Variants in DNAAF4 observed in about 807,000 individuals in gnomAD.
DNAAF4 encodes dynein assembly factor 4, axonemal.
A neutral mutation model predicts 51.8 loss-of-function variants in DNAAF4; 43 were observed. The ratio of observed to expected loss-of-function variants is 0.83; its 90% confidence interval spans 0.65 to 1.07. DNAAF4 has a LOEUF of 1.07. Ranked by LOEUF, DNAAF4 falls within the 50% of genes least tolerant of loss-of-function variation. DNAAF4 has a pLI of 0.00. For synonymous variants in DNAAF4, 194 were observed against 165.6 expected (o/e 1.17, Z -1.32); for missense variants, 581 against 493.0 (o/e 1.18, Z -1.69).
At chr15:55,494,389 T>C (rs1308838799) in intron 3 of DNAAF4, among the ~76,000 whole-genome samples, 3 of 152,100 alleles carry the variant, frequency 2.0e-5, no homozygotes, top group Non-Finnish European at 2.9e-5. Flanking sequence ...TCAATGTTCA[T>C]TGTGATATAA....
chr15:55,458,696 G>A (rs940923014), intron 5 of DNAAF4, among the ~76,000 whole-genome samples: 3 of 152,066 alleles, frequency 2.0e-5, no homozygotes, highest in Non-Finnish European at 4.4e-5. Context: ...AAGAACACCC[G>A]GGGAATTCAT....
At chr15:55,424,413 GAAGT>G (rs1312940532) in intron 7 of DNAAF4, among the ~76,000 whole-genome samples, 3 of 152,200 alleles carry the variant, frequency 2.0e-5, no homozygotes, top group South Asian at 2.1e-4. Context: ...AGTGGAAAAT[GAAGT>G]AAGGCACCTA....
intron 1 of DNAAF4, among the ~76,000 whole-genome samples, chr15:55,503,756 G>A (rs1003156664): frequency 2.0e-5 from 3 of 152,098 alleles, no homozygotes; most frequent in Admixed American, 1.3e-4. Flanking sequence ...AATAAACTAG[G>A]TATTGTTGGA....
intron 4 of DNAAF4, among the ~76,000 whole-genome samples, chr15:55,486,870 T>C (rs1048243946): frequency 3.3e-5 from 5 of 152,106 alleles, no homozygotes; most frequent in Admixed American, 1.3e-4. Flanking sequence ...TCTCTCTTCA[T>C]TGTATTATTA....
chr15:55,442,086 G>A (rs1200061135), intron 6 of DNAAF4, among the ~76,000 whole-genome samples: 1 of 152,114 alleles, frequency 6.6e-6, no homozygotes, highest in East Asian at 1.9e-4. Flanking sequence ...CCGCAGTGGA[G>A]CAGGTAACAC....
intron 4 of DNAAF4, among the ~76,000 whole-genome samples, chr15:55,476,111 A>G (rs1190885886): frequency 6.6e-6 from 1 of 152,190 alleles, no homozygotes; most frequent in Non-Finnish European, 1.5e-5. Flanking sequence ...ACCTTCCAAG[A>G]CAAATGAAAA....
chr15:55,429,174 A>C (rs2057461444), downstream of DNAAF4, among the ~76,000 whole-genome samples: 1 of 151,830 alleles, frequency 6.6e-6, no homozygotes, highest in Non-Finnish European at 1.5e-5. Context: ...GTGAGCCGAG[A>C]TTGCACCACT....
chr15:55,425,815 TA>T (rs1387563365), downstream of DNAAF4, among the ~76,000 whole-genome samples: 1 of 152,174 alleles, frequency 6.6e-6, no homozygotes, highest in Non-Finnish European at 1.5e-5. Flanking sequence ...ATGTGTTAAA[TA>T]AAATGTATGG....
intron 6 of DNAAF4, among the ~76,000 whole-genome samples, chr15:55,449,406 T>G (rs1282941958): frequency 2.0e-5 from 3 of 150,960 alleles, no homozygotes; most frequent in Non-Finnish European, 4.4e-5. Context: ...CTCATGCCTA[T>G]AATCCCAGCA....
At chr15:55,418,049 T>C (rs1210648704) in exon 8 of DNAAF4, 1 of 1,318,124 alleles carries the variant, frequency 7.6e-7, no homozygotes, top group Non-Finnish European at 1.1e-6. Flanking sequence ...GCCATCTGGA[T>C]GTATACGTGC....
Position 55,435,200 on chromosome 15 carries a change from A to C in DNAAF4, c.894-142T>G, listed in dbSNP as rs570825564. On this transcript the variant is annotated intron_variant, in intron 7 of 9. Transcript: ENST00000321149. ...GGTAAACGTTGCCTGCACTGAATCCATCTCTTTTCACATATACCAGCCTGT... is the reference window on the plus strand; with the variant it reads ...GGTAAACGTTGCCTGCACTGAATCCCTCTCTTTTCACATATACCAGCCTGT... 56 of 805,804 alleles carry C rather than the reference A, an allele frequency of 6.9e-5. 1 individual carries two copies. In the African/African-American group the frequency reaches 7.9e-4, roughly 11 times the overall value. The allele number at this position is 805,804 out of a possible 1,614,324, so 49.9% of individuals were successfully genotyped here. A position where few individuals can be genotyped will look rare whatever the true frequency, so the allele number is the denominator to read the frequency against.
intron 6 of DNAAF4, among the ~76,000 whole-genome samples, chr15:55,440,392 T>TAA (rs1260040984): frequency 6.6e-6 from 1 of 150,422 alleles, no homozygotes; most frequent in African/African-American, 2.5e-5. Context: ...TATATATATA[T>TAA]TTTTGAGACG....
intron 4 of DNAAF4, among the ~76,000 whole-genome samples, chr15:55,484,345 C>T (rs538921219): frequency 5.3e-5 from 8 of 151,930 alleles, no homozygotes; most frequent in African/African-American, 1.9e-4. Flanking sequence ...ATTAGCCAGG[C>T]GTGGTGGTGA....
chr15:55,422,050 AT>A lies in DNAAF4; in HGVS notation c.1048-3918del, dbSNP rs145159784. Among the ~76,000 whole-genome samples, 32 of 151,892 alleles carry A rather than the reference AT, an allele frequency of 2.1e-4. No homozygotes were observed. The East Asian group carries it at 5.0e-3, about 24-fold the overall frequency. Reference sequence around the variant, plus strand: ...GACCAAAAAGCATGTATAAATACATATTTTTATATATTTACAAATAAAAATA... The same window carrying A: ...GACCAAAAAGCATGTATAAATACATATTTTATATATTTACAAATAAAAATA... On this transcript the variant is annotated intron_variant, in intron 7 of 7. Transcript: ENST00000448430.
chr15:55,425,637 G>A (rs1185606018), downstream of DNAAF4, among the ~76,000 whole-genome samples: 3 of 151,904 alleles, frequency 2.0e-5, no homozygotes, highest in African/African-American at 7.3e-5. Context: ...AGGGAACCAA[G>A]ACAGAATAGG....
intron 4 of DNAAF4, among the ~76,000 whole-genome samples, chr15:55,471,731 T>C (rs1433056123): frequency 1.3e-5 from 2 of 152,118 alleles, no homozygotes; most frequent in East Asian, 3.9e-4. Flanking sequence ...GCCAGGATGG[T>C]CTCGATCTCC....
chr15:55,483,501 A>G (rs1374435342), intron 4 of DNAAF4, among the ~76,000 whole-genome samples: 2 of 152,148 alleles, frequency 1.3e-5, no homozygotes, highest in Non-Finnish European at 2.9e-5. Context: ...CTTTAAAAGA[A>G]TGAACTTTAT....
intron 4 of DNAAF4, among the ~76,000 whole-genome samples, chr15:55,469,608 G>A (rs147926417): frequency 0.053 from 7,474 of 142,092 alleles, 264 homozygotes; most frequent in East Asian, 0.17. Flanking sequence ...TCAGCCTCCC[G>A]AGTAGCTGGA....
intron 5 of DNAAF4, among the ~76,000 whole-genome samples, chr15:55,459,274 C>T (rs1246447708): frequency 2.6e-5 from 4 of 152,070 alleles, no homozygotes; most frequent in East Asian, 3.9e-4. Flanking sequence ...TAACCAGAGG[C>T]GAGATAAAGT....
Sources: gnomAD v4.1 joint callset for allele counts (sites outside exome capture counted in the v4.1 genomes callset) on GRCh38, gnomAD v4.1.1 for gene constraint, MANE v1.5 for transcripts, NCBI Gene and HGNC (gene_info 2026-07-23, HGNC 2026-07-21) for gene names.